ARAP2: variants seen among roughly 807,000 people sequenced by gnomAD.
ARAP2 encodes the protein arf-GAP with Rho-GAP domain, ANK repeat and PH domain-containing protein 2.
In ARAP2, 148 loss-of-function variants were observed where a neutral mutation model predicts 194.5. That is an observed-to-expected ratio of 0.76 (90% CI 0.67 to 0.87). The LOEUF (loss-of-function observed/expected upper bound fraction) is 0.87. Ranked by LOEUF, ARAP2 falls within the 40% of genes least tolerant of loss-of-function variation. ARAP2 has a pLI of 0.00. For missense variants in ARAP2, 2,128 were observed against 1,989.7 expected (o/e 1.07, Z -1.32); for synonymous variants, 695 against 683.5 (o/e 1.02, Z -0.26).
intron 9 of ARAP2, among the ~76,000 whole-genome samples, chr4:36,171,794 A>G (rs1736714112): frequency 1.3e-5 from 2 of 152,214 alleles, no homozygotes; most frequent in Non-Finnish European, 2.9e-5. Flanking sequence ...TGAACATAGT[A>G]TCTATTTAAA....
At chr4:36,123,868 C>T (rs11721953) in intron 22 of ARAP2, among the ~76,000 whole-genome samples, 34,545 of 151,612 alleles carry the variant, frequency 0.23, 4,879 homozygotes, top group South Asian at 0.32. Flanking sequence ...ATTTCTTTCA[C>T]GCCCAATTCA....
chr4:36,117,009 C>G, intron 25 of ARAP2, 52 bp downstream of exon 25: 1 of 1,215,856 alleles, frequency 8.2e-7, no homozygotes, highest in Non-Finnish European at 1.1e-6. Flanking sequence ...TAAAATAATG[C>G]TAACATTTGT....
chr4:36,230,982 T>C (rs1231641362), intron 1 of ARAP2, among the ~76,000 whole-genome samples: 1 of 152,234 alleles, frequency 6.6e-6, no homozygotes, highest in East Asian at 1.9e-4. Flanking sequence ...AGGCAAGAAA[T>C]GCCTTTGTCA....
At chr4:36,220,821 T>C (rs1439315081) in intron 2 of ARAP2, among the ~76,000 whole-genome samples, 2 of 152,154 alleles carry the variant, frequency 1.3e-5, no homozygotes, top group Non-Finnish European at 2.9e-5. Context: ...CTAAGCATCA[T>C]TACAAGAGAG....
intron 5 of ARAP2, among the ~76,000 whole-genome samples, chr4:36,023,800 T>C (rs535934567): frequency 3.0e-4 from 45 of 152,292 alleles, no homozygotes; most frequent in African/African-American, 1.1e-3. Flanking sequence ...CGAAACTTAA[T>C]TGGAAATTAT....
intron 28 of ARAP2, among the ~76,000 whole-genome samples, chr4:36,086,523 G>T (rs1323688404): frequency 6.6e-6 from 1 of 152,004 alleles, no homozygotes; most frequent in Non-Finnish European, 1.5e-5. Context: ...AGATCTTAAT[G>T]GAAAGTTCTA....
intron 19 of ARAP2, among the ~76,000 whole-genome samples, chr4:36,138,895 T>A (rs916343978): frequency 6.6e-6 from 1 of 151,754 alleles, no homozygotes; most frequent in African/African-American, 2.4e-5. Flanking sequence ...TTCAGTGTGA[T>A]CTCACTGTGG....
At chr4:36,197,153 T>C (rs959808994) in intron 6 of ARAP2, among the ~76,000 whole-genome samples, 1 of 152,010 alleles carries the variant, frequency 6.6e-6, no homozygotes, top group African/African-American at 2.4e-5. Flanking sequence ...ATTGACATAC[T>C]TATGGGGTAA....
At position 36,030,416 on chromosome 4, in the gene ARAP2, C is replaced by T. The variant is rs1031938265; in HGVS notation, n.608-11130G>A. On this transcript the variant is annotated intron_variant and non_coding_transcript_variant, in intron 5 of 12. Coordinates refer to the ARAP2 transcript ENST00000503225. The stretch of plus-strand genomic sequence containing the variant: ...AATTCTGAGTTAATATTTCCATGTG[C>T]ACCATGTATCCTTTTTATATATAAT... 4.6e-5 allele frequency among the ~76,000 whole-genome samples: 7 copies of T among 152,116 alleles called. No homozygotes were observed. In the East Asian group the frequency reaches 1.2e-3, roughly 25 times the overall value.
intron 11 of ARAP2, among the ~76,000 whole-genome samples, chr4:36,163,205 A>G: frequency 6.6e-6 from 1 of 152,138 alleles, no homozygotes; most frequent in Non-Finnish European, 1.5e-5. Context: ...AATGTAACCC[A>G]AGGGAACACA....
rs367763215 is a variant in ARAP2, at chr4:36,116,944, G to T, written c.4038+117C>A. The T allele has an allele frequency of 1.7e-4, 89 of 538,254 alleles. 1 individual carries two copies. The highest frequency in any genetic ancestry group is 1.1e-3 in the African/African-American group (55 of 50,128). 33.3% of individuals were successfully genotyped at this position (538,254 alleles called of 1,614,324 possible). Reference sequence around the variant, plus strand: ...TCACTATAAAAAGTCTATGTTGTCAGTCGTTTGAACTGGAGAGGTAATATA... The same window carrying T: ...TCACTATAAAAAGTCTATGTTGTCATTCGTTTGAACTGGAGAGGTAATATA... On this transcript the variant is annotated intron_variant, in intron 25 of 32. Coordinates refer to ENST00000303965, the MANE Select transcript of ARAP2 (RefSeq NM_015230.4).
intron 8 of ARAP2, among the ~76,000 whole-genome samples, chr4:36,180,467 A>G (rs1738979379): frequency 6.6e-6 from 1 of 152,232 alleles, no homozygotes; most frequent in South Asian, 2.1e-4. Context: ...AGATTGTACT[A>G]CAATAATTTA....
At chr4:36,187,353 T>C in intron 8 of ARAP2, 98 bp downstream of exon 8, 1 of 597,500 alleles carries the variant, frequency 1.7e-6, no homozygotes. Context: ...CAAAAAGTAA[T>C]ATATTTAAAG....
chr4:36,037,843 A>G (rs567923943), intron 5 of ARAP2, among the ~76,000 whole-genome samples: 1 of 152,270 alleles, frequency 6.6e-6, no homozygotes, highest in Admixed American at 6.5e-5. Flanking sequence ...TGAATCTCTC[A>G]CTTGCAGTGG....
chr4:36,015,944 T>C (rs1715709065), exon 7 of ARAP2: 1 of 152,148 alleles, frequency 6.6e-6, no homozygotes, highest in South Asian at 2.1e-4. Context: ...GCAATTCCGC[T>C]TCCATGGAAG....
intron 7 of ARAP2, among the ~76,000 whole-genome samples, chr4:36,188,129 TTC>T (rs1402460230): frequency 2.0e-5 from 3 of 152,334 alleles, no homozygotes; most frequent in Admixed American, 6.5e-5. Context: ...AGACAGATTT[TTC>T]TGTTTCCAAA....
intron 15 of ARAP2, among the ~76,000 whole-genome samples, chr4:36,154,712 C>A (rs1476096195): frequency 6.6e-6 from 1 of 152,114 alleles, no homozygotes; most frequent in Non-Finnish European, 1.5e-5. Context: ...AATTTGAAGC[C>A]TCTGTAACTC....
At chr4:36,053,796 C>T (rs979730953) in intron 2 of ARAP2, among the ~76,000 whole-genome samples, 1 of 152,118 alleles carries the variant, frequency 6.6e-6, no homozygotes, top group East Asian at 1.9e-4. Context: ...TCCCAGAGGG[C>T]CGGCAAGTTT....
intron 28 of ARAP2, among the ~76,000 whole-genome samples, chr4:36,084,384 T>C (rs1730324085): frequency 6.6e-6 from 1 of 152,086 alleles, no homozygotes; most frequent in Admixed American, 6.6e-5. Flanking sequence ...TTCAAAGATA[T>C]TCATATTTTC....
Sources: gnomAD v4.1 joint callset for allele counts (sites outside exome capture counted in the v4.1 genomes callset) on GRCh38, gnomAD v4.1.1 for gene constraint, MANE v1.5 for transcripts, NCBI Gene and HGNC (gene_info 2026-07-23, HGNC 2026-07-21) for gene names.